RXFP1: variants seen among roughly 807,000 people sequenced by gnomAD.
RXFP1 encodes relaxin receptor 1.
RXFP1 carries 73 observed loss-of-function variants against 89.8 expected under a neutral mutation model. That is an observed-to-expected ratio of 0.81 (90% CI 0.67 to 0.99). The LOEUF is 0.99. Ranked by LOEUF, RXFP1 falls within the 50% of genes least tolerant of loss-of-function variation. RXFP1 has a pLI of 0.00. For synonymous variants in RXFP1, 277 were observed against 305.5 expected (o/e 0.91, Z 0.97); for missense variants, 793 against 895.5 (o/e 0.89, Z 1.46).
intron 12 of RXFP1, among the ~76,000 whole-genome samples, chr4:158,637,705 G>T (rs1394655765): frequency 6.6e-6 from 1 of 152,084 alleles, no homozygotes; most frequent in Non-Finnish European, 1.5e-5. Flanking sequence ...TCTGTTGATT[G>T]TTTCCTTAGC....
Position 158,651,754 on chromosome 4 carries a change from T to C in RXFP1, c.1976-3T>C, listed in dbSNP as rs766931937. 2.7e-5 allele frequency: 43 copies of C among 1,588,062 alleles called. No individual in the cohort carries two copies. Among genetic ancestry groups the C allele is most frequent in the Non-Finnish European group, 3.3e-5 (39 of 1,168,694 alleles). On this transcript the variant is annotated splice_region_variant and splice_polypyrimidine_tract_variant and intron_variant, in intron 17 of 17. Coordinates refer to ENST00000307765, the MANE Select transcript of RXFP1 (RefSeq NM_021634.4). ...CTAAAACTATTTCATTTTTCTTTTT[T>C]AGGTACCATAACCTCTTGGGTAGTG... is the stretch of plus-strand genomic sequence containing the variant.
At chr4:158,563,590 A>T (rs144931732) in intron 1 of RXFP1, among the ~76,000 whole-genome samples, 47 of 151,692 alleles carry the variant, frequency 3.1e-4, no homozygotes, top group African/African-American at 9.2e-4. Context: ...AGAGACCAAT[A>T]ATCTATGGGG....
At chr4:158,626,727 A>G in intron 9 of RXFP1, 93 bp from the exon 10 acceptor site, 1 of 744,220 alleles carries the variant, frequency 1.3e-6, no homozygotes, top group East Asian at 2.9e-5. Flanking sequence ...GTATGTAAAG[A>G]AAAGATATTT....
At chr4:158,636,287 A>C (rs1017244858) in intron 12 of RXFP1, among the ~76,000 whole-genome samples, 1 of 152,188 alleles carries the variant, frequency 6.6e-6, no homozygotes, top group Non-Finnish European at 1.5e-5. Flanking sequence ...ATGTTTCATG[A>C]CTTAAGATTT....
intron 15 of RXFP1, chr4:158,646,259 G>C: frequency 2.3e-6 from 1 of 427,210 alleles, no homozygotes; most frequent in South Asian, 1.7e-5. Flanking sequence ...AAATTGTACT[G>C]ACTGCAAAGC....
intron 1 of RXFP1, among the ~76,000 whole-genome samples, chr4:158,552,656 G>T (rs1336096096): frequency 1.3e-5 from 2 of 152,210 alleles, no homozygotes; most frequent in Admixed American, 1.3e-4. Context: ...TTAGAATAGT[G>T]AGACTACAGA....
At position 158,529,249 on chromosome 4, in the gene RXFP1, TGTTG is replaced by T. The variant is rs1560947506; in HGVS notation, c.49+7225_49+7228del. ...CTTTTTTTGCTTGCTTGTTTTTTGT[TGTTG>T]TTGTTGTTGTTGTTGTTGTTTATGA... On this transcript the variant is annotated intron_variant, in intron 1 of 17. Coordinates refer to ENST00000307765, the MANE Select transcript of RXFP1 (RefSeq NM_021634.4). 4.0e-4 allele frequency among the ~76,000 whole-genome samples: 40 copies of T among 99,472 alleles called. No individual in the cohort carries two copies. In the Admixed American group the frequency reaches 4.5e-3, roughly 11 times the overall value. The allele number at this position is 99,472 out of a possible 152,430, so 65.3% of individuals were successfully genotyped here. A position where few individuals can be genotyped will look rare whatever the true frequency, so the allele number is the denominator to read the frequency against.
intron 1 of RXFP1, among the ~76,000 whole-genome samples, chr4:158,568,501 G>A (rs1382129632): frequency 6.6e-6 from 1 of 152,146 alleles, no homozygotes; most frequent in Non-Finnish European, 1.5e-5. Context: ...TGTTTAAAGT[G>A]TTCTTAAAAA....
At chr4:158,632,676 A>T (rs1247153572) in intron 11 of RXFP1, among the ~76,000 whole-genome samples, 1 of 152,182 alleles carries the variant, frequency 6.6e-6, no homozygotes, top group Non-Finnish European at 1.5e-5. Flanking sequence ...CTACCCCAGG[A>T]TAATATGAGA....
intron 1 of RXFP1, among the ~76,000 whole-genome samples, chr4:158,548,391 G>T (rs1042067424): frequency 3.1e-4 from 47 of 152,164 alleles, no homozygotes; most frequent in South Asian, 6.2e-4. Context: ...TGATGGGTCT[G>T]GACTCTTTAT....
chr4:158,590,535 A>G (rs891482604), intron 2 of RXFP1, among the ~76,000 whole-genome samples: 1 of 152,126 alleles, frequency 6.6e-6, no homozygotes, highest in African/African-American at 2.4e-5. Flanking sequence ...TCTCATTCTC[A>G]TTCTAATGAT....
intron 1 of RXFP1, among the ~76,000 whole-genome samples, chr4:158,558,153 C>T (rs1277767967): frequency 2.6e-5 from 4 of 152,176 alleles, no homozygotes; most frequent in African/African-American, 9.7e-5. Flanking sequence ...TTGTTCTCAC[C>T]TTTAGGAGTA....
intron 14 of RXFP1, among the ~76,000 whole-genome samples, chr4:158,641,649 A>C (rs1246506701): frequency 1.3e-5 from 2 of 152,214 alleles, no homozygotes; most frequent in African/African-American, 4.8e-5. Context: ...TTGACAGGAC[A>C]AATTGTAATC....
chr4:158,608,121 C>G, intron 6 of RXFP1, 78 bp downstream of exon 6: 1 of 952,106 alleles, frequency 1.1e-6, no homozygotes, highest in Non-Finnish European at 1.6e-6. Context: ...GACCAGCCTC[C>G]CTGTCCATGA....
chr4:158,634,270 T>C (rs1768692202), intron 12 of RXFP1, among the ~76,000 whole-genome samples: 1 of 152,194 alleles, frequency 6.6e-6, no homozygotes, highest in African/African-American at 2.4e-5. Flanking sequence ...TCCCAGTGAT[T>C]AGTGATGTTG....
At chr4:158,561,375 A>C (rs1752393741) in intron 1 of RXFP1, among the ~76,000 whole-genome samples, 1 of 152,234 alleles carries the variant, frequency 6.6e-6, no homozygotes, top group Admixed American at 6.5e-5. Context: ...AATTGGTTGC[A>C]GCCAAAATGC....
At chr4:158,616,964 A>G (rs541244087) in intron 8 of RXFP1, among the ~76,000 whole-genome samples, 167 bp from the exon 9 acceptor site, 36 of 147,086 alleles carry the variant, frequency 2.4e-4, no homozygotes, top group Admixed American at 6.2e-4. Context: ...GTGTCACACC[A>G]CTCCAGCCTG....
At chr4:158,573,288 A>G (rs1161103555) in intron 2 of RXFP1, among the ~76,000 whole-genome samples, 4 of 152,262 alleles carry the variant, frequency 2.6e-5, no homozygotes, top group East Asian at 1.9e-4. Flanking sequence ...GATTACAGGC[A>G]TGAGCCACCG....
intron 2 of RXFP1, among the ~76,000 whole-genome samples, chr4:158,579,045 A>T (rs1010716895): frequency 2.0e-5 from 3 of 148,606 alleles, no homozygotes; most frequent in African/African-American, 7.5e-5. Flanking sequence ...CTCGCAAGAG[A>T]CAGGAAATGG....
Sources: gnomAD v4.1 joint callset for allele counts (sites outside exome capture counted in the v4.1 genomes callset) on GRCh38, gnomAD v4.1.1 for gene constraint, MANE v1.5 for transcripts, NCBI Gene and HGNC (gene_info 2026-07-23, HGNC 2026-07-21) for gene names.